The following NALF1 variants were observed in gnomAD, a reference collection of about 807,000 sequenced individuals.
NALF1 encodes the protein NALCN channel auxiliary factor 1, also known as family with sequence similarity 155 member A.
NALF1 carries 3 observed loss-of-function variants against 48.4 expected under a neutral mutation model. That is an observed-to-expected ratio of 0.06 (90% CI 0.03 to 0.16). The LOEUF (loss-of-function observed/expected upper bound fraction) is 0.16. Among genes scored for constraint, NALF1 ranks in the 10% least tolerant of loss-of-function variants. The pLI is 1.00. For synonymous variants in NALF1, 262 were observed against 245.7 expected (o/e 1.07, Z -0.62); for missense variants, 526 against 571.5 (o/e 0.92, Z 0.81).
chr13:107,775,121 T>C (rs1877687487), intron 1 of NALF1, among the ~76,000 whole-genome samples: 1 of 152,276 alleles, frequency 6.6e-6, no homozygotes, highest in East Asian at 1.9e-4. Context: ...TAGTTACATA[T>C]GTATAAATGT....
intron 1 of NALF1, among the ~76,000 whole-genome samples, chr13:107,830,629 C>T (rs1384135405): frequency 2.6e-5 from 4 of 152,104 alleles, no homozygotes; most frequent in Admixed American, 6.6e-5. Flanking sequence ...TAATCAATTT[C>T]GGGGAGCGGG....
At chr13:107,590,988 C>G (rs117537641) in intron 1 of NALF1, among the ~76,000 whole-genome samples, 1 of 151,998 alleles carries the variant, frequency 6.6e-6, no homozygotes, top group Non-Finnish European at 1.5e-5. Context: ...ATTAGAAACT[C>G]TAGCACAGAG....
chr13:107,828,602 T>TACA (rs1566498071), intron 1 of NALF1, among the ~76,000 whole-genome samples: 484 of 43,318 alleles, frequency 0.011, 3 homozygotes, highest in East Asian at 0.053. Context: ...TATATCTATA[T>TACA]CTATACACAC....
chr13:107,564,928 G>T (rs1484404295), intron 1 of NALF1, among the ~76,000 whole-genome samples: 1 of 151,952 alleles, frequency 6.6e-6, no homozygotes, highest in Non-Finnish European at 1.5e-5. Context: ...AATTAAGGTT[G>T]CCTCTACTAC....
rs1555301322 is a variant in NALF1, at chr13:107,443,169, A to ATCTATCT, written c.916-232415_916-232414insAGATAGA. On this transcript the variant is annotated intron_variant, in intron 1 of 2. Transcript: ENST00000375915. ...TAAATTTATTATTTATTTATCTAAC[A>ATCTATCT]ATCTATCTATCTATCTATCTATCTA... is the stretch of plus-strand genomic sequence containing the variant. Among the ~76,000 whole-genome samples, 132 of 128,428 alleles carry ATCTATCT rather than the reference A, an allele frequency of 1.0e-3. 3 individuals carry two copies. The highest frequency in any genetic ancestry group is 4.0e-3 in the Middle Eastern group (1 of 252). 84.3% of individuals were successfully genotyped at this position (128,428 alleles called of 152,430 possible).
chr13:107,224,447 T>C lies in NALF1; in HGVS notation c.916-13692A>G, dbSNP rs554100907. On this transcript the variant is annotated intron_variant, in intron 1 of 2. Coordinates refer to ENST00000375915, the MANE Select transcript of NALF1 (RefSeq NM_001080396.3). Reference sequence around the variant, plus strand: ...TAATATAAATATAATACAAATTATATATAATATAAATATAATACAAATTAC... The same window carrying C: ...TAATATAAATATAATACAAATTATACATAATATAAATATAATACAAATTAC... Among the ~76,000 whole-genome samples, 74 of 148,794 alleles carry C rather than the reference T, an allele frequency of 5.0e-4. 2 individuals carry two copies. The highest frequency in any genetic ancestry group is 7.1e-3 in the Middle Eastern group (2 of 280).
rs373819421 is a variant in NALF1, at chr13:107,815,990, T to C, written c.915+49692A>G. Among the ~76,000 whole-genome samples, 19 of 152,072 alleles carry C rather than the reference T, an allele frequency of 1.2e-4. No individual in the cohort carries two copies. The South Asian group carries it at 3.7e-3, about 30-fold the overall frequency. Reference sequence around the variant, plus strand: ...TAGGATTGGGGGTATTAAAAGGAAATGGGGAGTGGCTGCTAATAGATATCA... The same window carrying C: ...TAGGATTGGGGGTATTAAAAGGAAACGGGGAGTGGCTGCTAATAGATATCA... On this transcript the variant is annotated intron_variant, in intron 1 of 2. Coordinates refer to ENST00000375915, the MANE Select transcript of NALF1 (RefSeq NM_001080396.3).
At chr13:107,399,523 C>T (rs1407582860) in intron 1 of NALF1, among the ~76,000 whole-genome samples, 3 of 152,066 alleles carry the variant, frequency 2.0e-5, no homozygotes, top group Non-Finnish European at 4.4e-5. Context: ...CCCCTGCTGC[C>T]GGCTCTGCTC....
Position 107,163,773 on chromosome 13 carries a change from A to C in NALF1, c.*6724T>G, listed in dbSNP as rs1012487092. The stretch of plus-strand genomic sequence containing the variant: ...CCTTCCTACTTTTAATATGCCACAC[A>C]ACATCAACAAATCTAAGAAAAATAG... On this transcript the variant is annotated 3_prime_UTR_variant, in exon 3 of 3. Transcript: ENST00000375915. 1 of 152,176 alleles carries C rather than the reference A, an allele frequency of 6.6e-6. No individual in the cohort carries two copies. The highest frequency in any genetic ancestry group is 1.5e-5 in the Non-Finnish European group (1 of 67,998). The allele number at this position is 152,176 out of a possible 1,614,324, so 9.4% of individuals were successfully genotyped here.
At position 107,169,835 on chromosome 13, in the gene NALF1, A is replaced by G. The variant is rs892344804; in HGVS notation, c.*662T>C. On this transcript the variant is annotated 3_prime_UTR_variant, in exon 3 of 3. Transcript: ENST00000375915. Reference sequence around the variant, plus strand: ...GCACACCCATTCACTGTGGTTACACAGACAGAAGCAAGCGGATGTTGTTTG... The same window carrying G: ...GCACACCCATTCACTGTGGTTACACGGACAGAAGCAAGCGGATGTTGTTTG... 1 of 152,748 alleles carries G rather than the reference A, an allele frequency of 6.5e-6. No individual in the cohort carries two copies. The highest frequency in any genetic ancestry group is 2.4e-5 in the African/African-American group (1 of 41,446). 9.5% of individuals were successfully genotyped at this position (152,748 alleles called of 1,614,324 possible).
intron 2 of NALF1, among the ~76,000 whole-genome samples, chr13:107,188,122 A>AT (rs752309107): frequency 3.3e-5 from 5 of 152,270 alleles, no homozygotes; most frequent in East Asian, 3.9e-4. Context: ...AAGACAATTT[A>AT]TTTTTTTGCC....
At chr13:107,342,131 T>G (rs1475149764) in intron 1 of NALF1, among the ~76,000 whole-genome samples, 1 of 152,160 alleles carries the variant, frequency 6.6e-6, no homozygotes, top group Non-Finnish European at 1.5e-5. Flanking sequence ...CCAATGGAGT[T>G]CATTCATTAG....
intron 1 of NALF1, among the ~76,000 whole-genome samples, chr13:107,716,995 C>A (rs767992816): frequency 6.6e-6 from 1 of 152,198 alleles, no homozygotes; most frequent in Non-Finnish European, 1.5e-5. Context: ...TAAAGATCAT[C>A]TCTTCCAACT....
intron 1 of NALF1, among the ~76,000 whole-genome samples, chr13:107,385,552 C>CAAAAAAAAAAAAAAAAAAAAAAAAAAAA (rs201307018): frequency 8.5e-6 from 1 of 118,290 alleles, no homozygotes; most frequent in African/African-American, 3.4e-5. Context: ...GATTCCATCT[C>CAAAAAAAAAAAAAAAAAAAAAAAAAAAA]AAAAAAAAAA....
chr13:107,652,892 G>C (rs1185672802), intron 1 of NALF1, among the ~76,000 whole-genome samples: 1 of 152,044 alleles, frequency 6.6e-6, no homozygotes, highest in African/African-American at 2.4e-5. Flanking sequence ...TCAATGATTA[G>C]AAGCATTGTG....
At chr13:107,177,884 T>A (rs1878970648) in intron 2 of NALF1, among the ~76,000 whole-genome samples, 1 of 152,170 alleles carries the variant, frequency 6.6e-6, no homozygotes. Context: ...ACCTCATCTC[T>A]ACTAAAAATG....
intron 1 of NALF1, among the ~76,000 whole-genome samples, chr13:107,584,448 A>T (rs1455980447): frequency 1.3e-5 from 2 of 152,134 alleles, no homozygotes; most frequent in Non-Finnish European, 2.9e-5. Context: ...TTCTGTATTC[A>T]TTCATCAATT....
At chr13:107,569,938 T>C (rs1877937207) in intron 1 of NALF1, among the ~76,000 whole-genome samples, 1 of 152,172 alleles carries the variant, frequency 6.6e-6, no homozygotes, top group African/African-American at 2.4e-5. Context: ...CATGTTTTAT[T>C]TTCCTTTGAA....
At position 107,866,423 on chromosome 13, in the gene NALF1, G is replaced by A; in HGVS notation, c.174C>T (p.Phe58=). The A allele has an allele frequency of 1.2e-6, 2 of 1,614,164 alleles. No homozygotes were observed. Among genetic ancestry groups the A allele is most frequent in the South Asian group, 1.1e-5 (1 of 91,082 alleles). ...CCCGGGTCAGCTTGGCCTCGGCGCA[G>A]AACCACAAGTGATCAGAGAGCAGGA... ...FTVLLSDHLW[F]CAEAKLTRAR... is the part of the protein sequence containing the mutation. The change falls in exon 1 of 3, where the codon TTC becomes TTT. Residue 58 remains phenylalanine, a synonymous_variant. Transcript: ENST00000375915. The surrounding 1 kb of genome is among the most constrained non-coding windows in gnomAD (Gnocchi z 4.4).
Sources: gnomAD v4.1 joint callset for allele counts (sites outside exome capture counted in the v4.1 genomes callset) on GRCh38, gnomAD v4.1.1 for gene constraint, Gnocchi (gnomAD v3.1) non-coding constraint, MANE v1.5 for transcripts, NCBI Gene and HGNC (gene_info 2026-07-23, HGNC 2026-07-21) for gene names.